Variants in GRIK4 observed in about 807,000 individuals in gnomAD.
GRIK4 encodes glutamate ionotropic receptor kainate type subunit 4.
In GRIK4, 40 loss-of-function variants were observed where a neutral mutation model predicts 104.9. The observed-to-expected ratio is 0.38, with a 90% CI of 0.30 to 0.50. The LOEUF (loss-of-function observed/expected upper bound fraction) is 0.50. Ranked by LOEUF, GRIK4 falls within the 20% of genes least tolerant of loss-of-function variation. The pLI, the probability that GRIK4 is intolerant of heterozygous loss-of-function variation, is 0.93. For missense variants in GRIK4, 1,047 were observed against 1,308.1 expected (o/e 0.80, Z 3.08); for synonymous variants, 485 against 524.9 (o/e 0.92, Z 1.04).
At chr11:120,548,328 C>A (rs1432915149) in intron 1 of GRIK4, among the ~76,000 whole-genome samples, 1 of 152,024 alleles carries the variant, frequency 6.6e-6, no homozygotes, top group African/African-American at 2.4e-5. Flanking sequence ...TGCACAGGGG[C>A]CATGTGGGCA....
chr11:120,597,848 T>C (rs1172022415), intron 1 of GRIK4, among the ~76,000 whole-genome samples: 1 of 152,200 alleles, frequency 6.6e-6, no homozygotes, highest in Non-Finnish European at 1.5e-5. Flanking sequence ...ATTAGAAACC[T>C]GCCTGACTTT....
chr11:120,617,983 G>C (rs556383922), intron 1 of GRIK4, among the ~76,000 whole-genome samples: 46 of 152,312 alleles, frequency 3.0e-4, no homozygotes, highest in Admixed American at 2.7e-3. Flanking sequence ...CTTTGGAACT[G>C]GGTAATAGGC....
At chr11:120,799,381 C>T (rs571714455) in intron 3 of GRIK4, among the ~76,000 whole-genome samples, 4 of 152,266 alleles carry the variant, frequency 2.6e-5, no homozygotes, top group Admixed American at 2.6e-4. Flanking sequence ...AAGCCTGTTG[C>T]TATTGGTGTT....
chr11:120,697,137 C>T (rs893429379), intron 3 of GRIK4, among the ~76,000 whole-genome samples: 2 of 152,202 alleles, frequency 1.3e-5, no homozygotes, highest in African/African-American at 2.4e-5. Flanking sequence ...CAGGCTGCTC[C>T]GCCCTGCCTG....
At chr11:120,977,383 G>C (rs1378370157) in intron 19 of GRIK4, among the ~76,000 whole-genome samples, 1 of 152,218 alleles carries the variant, frequency 6.6e-6, no homozygotes, top group Non-Finnish European at 1.5e-5. Flanking sequence ...GGGCCTTGTA[G>C]GCTGGAGGGA....
chr11:120,717,187 G>T (rs1950850018), intron 3 of GRIK4, among the ~76,000 whole-genome samples: 1 of 152,210 alleles, frequency 6.6e-6, no homozygotes, highest in Admixed American at 6.5e-5. Flanking sequence ...GGTCACCTTA[G>T]TGTGAGCCTC....
At chr11:120,780,937 T>G (rs928193311) in intron 3 of GRIK4, among the ~76,000 whole-genome samples, 9 of 151,982 alleles carry the variant, frequency 5.9e-5, no homozygotes, top group African/African-American at 2.2e-4. Flanking sequence ...AGAGACGGGG[T>G]ATCACCATGT....
In GRIK4 at chr11:120,549,098, G is replaced by T. The variant is rs1441069129; in HGVS notation, c.-159+37211G>T. On this transcript the variant is annotated intron_variant, in intron 1 of 20. Transcript: ENST00000527524. This position sits in a 1 kb window ranked among gnomAD's most constrained non-coding sequence, Gnocchi z 4.7. Reference sequence around the variant, plus strand: ...GGCTCTGAAGGATGCCTGTTTCCTGGCTGTTTTTTTTTTTCACTGAGACAG... The same window carrying T: ...GGCTCTGAAGGATGCCTGTTTCCTGTCTGTTTTTTTTTTTCACTGAGACAG... 4.0e-5 allele frequency among the ~76,000 whole-genome samples: 6 copies of T among 151,592 alleles called. No individual in the cohort carries two copies. Among genetic ancestry groups the T allele is most frequent in the South Asian group, 4.2e-4 (2 of 4,806 alleles).
At chr11:120,672,036 T>G (rs1256679204) in intron 3 of GRIK4, among the ~76,000 whole-genome samples, 1 of 152,180 alleles carries the variant, frequency 6.6e-6, no homozygotes, top group Non-Finnish European at 1.5e-5. Flanking sequence ...AGCCTTGTAG[T>G]ATAGTTTGAA....
chr11:120,852,469 C>T (rs1426349559), intron 8 of GRIK4, among the ~76,000 whole-genome samples: 1 of 152,190 alleles, frequency 6.6e-6, no homozygotes, highest in African/African-American at 2.4e-5. Context: ...TTTGTGGACT[C>T]ATGTTGGGAA....
At chr11:120,979,792 G>A (rs1352811684) in intron 19 of GRIK4, among the ~76,000 whole-genome samples, 2 of 152,150 alleles carry the variant, frequency 1.3e-5, no homozygotes, top group African/African-American at 4.8e-5. Context: ...ACAGAAACAA[G>A]AGGAATGCGA....
At chr11:120,803,357 C>T (rs898583885) in intron 4 of GRIK4, among the ~76,000 whole-genome samples, 2 of 152,210 alleles carry the variant, frequency 1.3e-5, no homozygotes, top group Admixed American at 6.5e-5. Flanking sequence ...ATCCAAACCT[C>T]AGTTTCTACA....
intron 3 of GRIK4, among the ~76,000 whole-genome samples, chr11:120,747,319 C>T (rs1364084102): frequency 1.3e-5 from 2 of 152,210 alleles, no homozygotes; most frequent in African/African-American, 4.8e-5. Context: ...ACTGCACGTC[C>T]CAACAGGCAC....
intron 11 of GRIK4, among the ~76,000 whole-genome samples, chr11:120,884,370 G>A (rs887847618): frequency 3.9e-5 from 6 of 152,132 alleles, no homozygotes; most frequent in African/African-American, 9.7e-5. Flanking sequence ...CCGGAGTCTC[G>A]CTTCTAGGCT....
chr11:120,918,388 C>G (rs1479687109), intron 13 of GRIK4, among the ~76,000 whole-genome samples: 1 of 152,202 alleles, frequency 6.6e-6, no homozygotes, highest in Non-Finnish European at 1.5e-5. Flanking sequence ...TGCATTGATT[C>G]CATATTGGTT....
intron 1 of GRIK4, among the ~76,000 whole-genome samples, chr11:120,537,975 C>G (rs578075583): frequency 6.6e-6 from 1 of 152,136 alleles, no homozygotes; most frequent in African/African-American, 2.4e-5. Flanking sequence ...ATGGCAAGTC[C>G]GTGATGTATG....
At chr11:120,610,294 G>T (rs889152443) in intron 1 of GRIK4, among the ~76,000 whole-genome samples, 1 of 152,224 alleles carries the variant, frequency 6.6e-6, no homozygotes, top group African/African-American at 2.4e-5. Context: ...TTAGCGTTTG[G>T]AAGTTAGAGG....
In GRIK4 at chr11:120,962,697, A is replaced by G. The variant is rs771284357; in HGVS notation, c.2266+16A>G. On this transcript the variant is annotated intron_variant, in intron 18 of 20. Transcript: ENST00000527524. ...ATGCCAGTCGGTATGCGGGAGAGGA[A>G]CAGCCTCTTTGGGTAGCTTTGTCCA... 9.2e-5 allele frequency: 145 copies of G among 1,568,562 alleles called. No individual in the cohort carries two copies. The highest frequency in any genetic ancestry group is 4.2e-4 in the Admixed American group (25 of 59,876).
chr11:120,882,855 G>C (rs980147523), intron 11 of GRIK4, among the ~76,000 whole-genome samples: 1 of 152,090 alleles, frequency 6.6e-6, no homozygotes, highest in Non-Finnish European at 1.5e-5. Flanking sequence ...CTGAGGCTCT[G>C]CCCCAGCAAT....
Sources: allele counts gnomAD v4.1 joint callset (sites outside exome capture counted in the v4.1 genomes callset), GRCh38; gene constraint gnomAD v4.1.1; non-coding constraint Gnocchi (gnomAD v3.1); transcripts MANE v1.5; gene names NCBI Gene and HGNC (gene_info 2026-07-23, HGNC 2026-07-21).